The following PAK1 variants were observed in gnomAD, a reference collection of about 807,000 sequenced individuals.
PAK1 encodes the protein serine/threonine-protein kinase PAK 1.
Under a neutral mutation model 67.4 loss-of-function variants are expected in PAK1, and 29 were observed. The observed-to-expected ratio is 0.43, with a 90% CI of 0.32 to 0.59. PAK1 has a LOEUF of 0.59. Ranked by LOEUF, PAK1 falls within the 20% of genes least tolerant of loss-of-function variation. The pLI, the probability that PAK1 is intolerant of heterozygous loss-of-function variation, is 0.07. For missense variants in PAK1, 337 were observed against 670.7 expected (o/e 0.50, Z 5.50); for synonymous variants, 223 against 237.4 (o/e 0.94, Z 0.56).
chr11:77,410,418 T>C (rs1316352705), intron 1 of PAK1, among the ~76,000 whole-genome samples: 1 of 152,128 alleles, frequency 6.6e-6, no homozygotes, highest in Non-Finnish European at 1.5e-5. Flanking sequence ...AGAATGGTCC[T>C]GGGGAAGATA....
At chr11:77,474,859 C>A (rs1017036861), upstream of PAK1, 6 of 152,146 alleles carry the variant, frequency 3.9e-5, no homozygotes, top group Non-Finnish European at 7.3e-5. Flanking sequence ...ACCTCCCGAG[C>A]AGCATTACCT....
At chr11:77,489,583 C>A in the PAK1 span, among the ~76,000 whole-genome samples, 1 of 152,138 alleles carries the variant, frequency 6.6e-6, no homozygotes, top group Admixed American at 6.5e-5. Context: ...GGAGTGCCTG[C>A]GATTGCAGGC....
the PAK1 span, among the ~76,000 whole-genome samples, chr11:77,489,964 G>A: frequency 2.0e-5 from 3 of 151,684 alleles, no homozygotes; most frequent in East Asian, 5.9e-4. Context: ...GGAAAGTGAG[G>A]AGCGTCTCTG....
At chr11:77,333,386 C>T (rs911870707) in intron 13 of PAK1, among the ~76,000 whole-genome samples, 6 of 151,932 alleles carry the variant, frequency 3.9e-5, no homozygotes, top group Non-Finnish European at 7.4e-5. Context: ...TCAGTAGAGA[C>T]GGGGTTTTAC....
chr11:77,496,050 C>T, the PAK1 span, among the ~76,000 whole-genome samples: 1 of 145,462 alleles, frequency 6.9e-6, no homozygotes, highest in Non-Finnish European at 1.5e-5. Flanking sequence ...GAAGGAGTCT[C>T]ACTCTGTCGC....
chr11:77,357,586 A>C (rs1946205680), intron 6 of PAK1, among the ~76,000 whole-genome samples: 2 of 152,034 alleles, frequency 1.3e-5, no homozygotes. Context: ...CAAAAATACC[A>C]CTGTGCTATG....
At chr11:77,436,007 G>C (rs1592466894) in intron 1 of PAK1, among the ~76,000 whole-genome samples, 1 of 152,296 alleles carries the variant, frequency 6.6e-6, no homozygotes, top group East Asian at 1.9e-4. Flanking sequence ...GGCACTCAGA[G>C]TGCAGTTCTG....
At chr11:77,341,833 A>G (rs1316786432) in intron 10 of PAK1, among the ~76,000 whole-genome samples, 1 of 152,214 alleles carries the variant, frequency 6.6e-6, no homozygotes, top group Non-Finnish European at 1.5e-5. Flanking sequence ...AGCAAGGGTA[A>G]GATTTGAATC....
At chr11:77,487,853 G>A in the PAK1 span, among the ~76,000 whole-genome samples, 1 of 152,186 alleles carries the variant, frequency 6.6e-6, no homozygotes, top group Admixed American at 6.5e-5. Flanking sequence ...GGAGTCAGGG[G>A]AACTCACTGC....
chr11:77,479,460 GAGA>G (rs375733247), upstream of PAK1, among the ~76,000 whole-genome samples: 3 of 152,100 alleles, frequency 2.0e-5, no homozygotes, highest in South Asian at 2.1e-4. Context: ...AGAGAAGGGG[GAGA>G]AGAAGAGGAA....
chr11:77,351,894 G>T (rs1042944839), intron 8 of PAK1, among the ~76,000 whole-genome samples: 2 of 146,866 alleles, frequency 1.4e-5, no homozygotes, highest in Non-Finnish European at 3.0e-5. Context: ...TTTTTTTATA[G>T]AGAGGTATAA....
At chr11:77,353,491 C>A in intron 8 of PAK1, 45 bp downstream of exon 8, 1 of 1,383,088 alleles carries the variant, frequency 7.2e-7, no homozygotes, top group South Asian at 1.2e-5. Flanking sequence ...CCGGCACACA[C>A]ACTTTAAAGT....
intron 5 of PAK1, among the ~76,000 whole-genome samples, chr11:77,370,028 T>C (rs1716629753): frequency 1.3e-5 from 2 of 152,246 alleles, no homozygotes; most frequent in South Asian, 4.1e-4. Flanking sequence ...GTAATTAGCA[T>C]TAGTTTTTCT....
At chr11:77,324,008 T>G (rs1939041429) in intron 14 of PAK1, among the ~76,000 whole-genome samples, 1 of 152,178 alleles carries the variant, frequency 6.6e-6, no homozygotes, top group Non-Finnish European at 1.5e-5. Context: ...AATCCAATAA[T>G]GCTAATCATT....
At chr11:77,374,446 G>T in intron 4 of PAK1, 81 bp from the exon 5 acceptor site, 1 of 841,172 alleles carries the variant, frequency 1.2e-6, no homozygotes, top group Non-Finnish European at 2.0e-6. Context: ...AGTCTATCTG[G>T]TCAAGCACGT....
At chr11:77,459,315 C>T (rs1449680773) in intron 1 of PAK1, among the ~76,000 whole-genome samples, 1 of 151,968 alleles carries the variant, frequency 6.6e-6, no homozygotes, top group Non-Finnish European at 1.5e-5. Flanking sequence ...CTGGTTGCCA[C>T]GACACTAGTT....
chr11:77,441,089 A>G (rs571096734), intron 1 of PAK1, among the ~76,000 whole-genome samples: 3 of 152,322 alleles, frequency 2.0e-5, no homozygotes, highest in African/African-American at 7.2e-5. Context: ...CTGCCTTTCA[A>G]GGGAAGGCCT....
intron 1 of PAK1, among the ~76,000 whole-genome samples, chr11:77,472,296 T>C (rs1957897922): frequency 1.3e-5 from 2 of 152,226 alleles, no homozygotes; most frequent in East Asian, 1.9e-4. Context: ...TTGAAAGGCA[T>C]AGTTTCTAGT....
At chr11:77,444,287 A>T (rs1363486791) in intron 1 of PAK1, among the ~76,000 whole-genome samples, 3 of 64,748 alleles carry the variant, frequency 4.6e-5, no homozygotes, top group East Asian at 2.5e-4. Context: ...GGAGAGCTCT[A>T]AAAAAAAAAA....
Sources: allele counts gnomAD v4.1 joint callset (sites outside exome capture counted in the v4.1 genomes callset), GRCh38; gene constraint gnomAD v4.1.1; transcripts MANE v1.5; gene names NCBI Gene and HGNC (gene_info 2026-07-23, HGNC 2026-07-21).